APBA2: variants seen among roughly 807,000 people sequenced by gnomAD.
APBA2 encodes amyloid beta precursor protein binding family A member 2, also known as amyloid-beta A4 precursor protein-binding family A member 2.
Under a neutral mutation model 75.0 loss-of-function variants are expected in APBA2, and 30 were observed. That is an observed-to-expected ratio of 0.40 (90% confidence interval 0.30 to 0.54). The LOEUF is 0.54. APBA2 is among the 20% of genes least tolerant of loss of function. The pLI, the probability that APBA2 is intolerant of heterozygous loss-of-function variation, is 0.49. For missense variants in APBA2, 801 were observed against 1,016.1 expected, an observed-to-expected ratio of 0.79 and a Z score of 2.88; for synonymous variants, 444 against 409.6, an observed-to-expected ratio of 1.08 and a Z score of -1.01.
At chr15:29,069,158 G>T (rs2152917687) in intron 4 of APBA2, among the ~76,000 whole-genome samples, 1 of 152,220 alleles carries the variant, frequency 6.6e-6, no homozygotes, top group South Asian at 2.1e-4. Context: ...ATGTTTTCAG[G>T]GTTCATCCCT....
At position 29,054,092 on chromosome 15, in the gene APBA2, G is replaced by A. The variant is rs1318979330; in HGVS notation, c.208G>A (p.Gly70Arg). 1.2e-6 allele frequency: 2 copies of A among 1,614,102 alleles called. No homozygotes were observed. Among genetic ancestry groups the A allele is most frequent in the East Asian group, 2.2e-5 (1 of 44,860 alleles). ...GGAGTGCCACAACCACAGCCCCGAT[G>A]GGGACTCCAGCTCTGACTACGTGAA... ...EQECHNHSPD[G>R]DSSSDYVNNT... The change falls in exon 4 of 15, where the codon GGG becomes AGG. Residue 70 changes from glycine (G) to arginine (R), a missense_variant. Coordinates refer to ENST00000683413, the MANE Select transcript of APBA2 (RefSeq NM_001353788.2). This position sits in a 1 kb window ranked among gnomAD's most constrained non-coding sequence, Gnocchi z 6.1.
rs75697788 is a variant in APBA2, at chr15:28,962,856, T to G, written c.-94-32897T>G. 9.1e-3 allele frequency among the ~76,000 whole-genome samples: 1,380 copies of G among 152,370 alleles called. 9 individuals are homozygous for G. The highest frequency in any genetic ancestry group is 0.015 in the Non-Finnish European group (1,022 of 68,034). On this transcript the variant is annotated intron_variant, in intron 2 of 14. Transcript: ENST00000683413. Reference sequence around the variant, plus strand: ...TTAGATGCTAGTGATGCTGGTCTTCTTTAAATTGGTACTTTAACCGCTTCC... The same window carrying G: ...TTAGATGCTAGTGATGCTGGTCTTCGTTAAATTGGTACTTTAACCGCTTCC...
intron 6 of APBA2, among the ~76,000 whole-genome samples, chr15:29,083,346 G>A (rs1329619026): frequency 2.6e-5 from 4 of 152,082 alleles, no homozygotes; most frequent in African/African-American, 9.7e-5. Context: ...GTCCATTCAG[G>A]TTCCAGATCC....
At chr15:29,066,037 A>G (rs1176050817) in intron 4 of APBA2, among the ~76,000 whole-genome samples, 1 of 152,088 alleles carries the variant, frequency 6.6e-6, no homozygotes, top group Non-Finnish European at 1.5e-5. Context: ...CCTCTTTCTC[A>G]TTAGCCCCTG....
At chr15:28,950,180 A>T (rs910161309) in intron 2 of APBA2, among the ~76,000 whole-genome samples, 1 of 152,108 alleles carries the variant, frequency 6.6e-6, no homozygotes, top group Non-Finnish European at 1.5e-5. Context: ...TCATGGTTAG[A>T]CTGGAGTTAT....
At chr15:29,103,318 C>T (rs913254243) in intron 10 of APBA2, among the ~76,000 whole-genome samples, 10 of 152,216 alleles carry the variant, frequency 6.6e-5, no homozygotes, top group Non-Finnish European at 1.3e-4. Context: ...TCCTCTTCCC[C>T]ACCTCTCCAG....
chr15:29,045,103 C>CTCTCTCTTTCTT (rs57446098), intron 3 of APBA2, among the ~76,000 whole-genome samples: 5,898 of 140,368 alleles, frequency 0.042, 500 homozygotes, highest in African/African-American at 0.15. Flanking sequence ...CTCTCTCTCT[C>CTCTCTCTTTCTT]GTCTCGCACT....
intron 6 of APBA2, among the ~76,000 whole-genome samples, chr15:29,090,594 G>A (rs1370257178): frequency 6.6e-6 from 1 of 152,202 alleles, no homozygotes; most frequent in Non-Finnish European, 1.5e-5. Flanking sequence ...CTGCCACAGA[G>A]GGGACATAAG....
Position 29,094,132 on chromosome 15 carries a change from G to A in APBA2, c.1216-146G>A, listed in dbSNP as rs990357444. 3.3e-5 allele frequency: 27 copies of A among 815,734 alleles called. No homozygotes were observed. In the African/African-American group the frequency reaches 3.9e-4, roughly 12 times the overall value. 50.5% of individuals were successfully genotyped at this position (815,734 alleles called of 1,614,324 possible). On this transcript the variant is annotated intron_variant, in intron 7 of 14. Transcript: ENST00000683413. ...CTTGGTCAGTGTGTGTGCTTGAAGT[G>A]GGCAATGGCTGTCCACCCGTCCCTG... is the stretch of plus-strand genomic sequence containing the variant.
chr15:29,055,711 G>T (rs1469846773), intron 4 of APBA2, among the ~76,000 whole-genome samples: 4 of 144,210 alleles, frequency 2.8e-5, no homozygotes, highest in Non-Finnish European at 6.0e-5. Context: ...GTGTGTGTGT[G>T]TACTGAGAGC....
intron 3 of APBA2, among the ~76,000 whole-genome samples, chr15:29,026,403 A>G (rs1003280830): frequency 6.6e-6 from 1 of 152,170 alleles, no homozygotes; most frequent in Non-Finnish European, 1.5e-5. Context: ...ACTGACAAGA[A>G]ATCTGTGGCT....
At chr15:28,994,584 C>T (rs2038409852) in intron 2 of APBA2, among the ~76,000 whole-genome samples, 1 of 152,198 alleles carries the variant, frequency 6.6e-6, no homozygotes, top group African/African-American at 2.4e-5. Context: ...TTAGCCTCCT[C>T]AGAGACGTTG....
chr15:28,910,208 G>A (rs1443006245), intron 1 of APBA2, among the ~76,000 whole-genome samples: 1 of 152,156 alleles, frequency 6.6e-6, no homozygotes, highest in Non-Finnish European at 1.5e-5. Context: ...TAAAAGAATT[G>A]TCTCCTTTTT....
chr15:29,039,870 C>T (rs1432109878), intron 3 of APBA2, among the ~76,000 whole-genome samples: 1 of 152,200 alleles, frequency 6.6e-6, no homozygotes, highest in Non-Finnish European at 1.5e-5. Flanking sequence ...GAACTCAAAA[C>T]TCTGAACAGA....
intron 2 of APBA2, chr15:28,990,715 A>G (rs1258390803): frequency 6.6e-6 from 1 of 152,178 alleles, no homozygotes; most frequent in African/African-American, 2.4e-5. Flanking sequence ...AGAGTCTCCC[A>G]ATTCAAATCT....
intron 6 of APBA2, among the ~76,000 whole-genome samples, chr15:29,085,789 G>A (rs767746046): frequency 5.9e-5 from 9 of 152,114 alleles, no homozygotes; most frequent in Non-Finnish European, 1.0e-4. Context: ...CCCCAGGTCT[G>A]GAACCAGTTG....
intron 1 of APBA2, among the ~76,000 whole-genome samples, chr15:28,915,313 C>CACACCAT (rs1312340751): frequency 7.4e-6 from 1 of 134,884 alleles, no homozygotes; most frequent in Non-Finnish European, 1.6e-5. Flanking sequence ...CCACACACCA[C>CACACCAT]ACACCATACA....
intron 10 of APBA2, among the ~76,000 whole-genome samples, chr15:29,103,897 C>T (rs2044263721): frequency 6.6e-6 from 1 of 152,228 alleles, no homozygotes; most frequent in African/African-American, 2.4e-5. Flanking sequence ...CATCAGCTCG[C>T]CAACTCCGCA....
chr15:28,892,307 C>T (rs2032185700), intron 1 of APBA2, among the ~76,000 whole-genome samples: 1 of 152,172 alleles, frequency 6.6e-6, no homozygotes, highest in South Asian at 2.1e-4. Context: ...GACCTCCTGA[C>T]CTCATGATCC....
Sources: allele counts gnomAD v4.1 joint callset (sites outside exome capture counted in the v4.1 genomes callset), GRCh38; gene constraint gnomAD v4.1.1; non-coding constraint Gnocchi (gnomAD v3.1); transcripts MANE v1.5; gene names NCBI Gene and HGNC (gene_info 2026-07-23, HGNC 2026-07-21).